CD72: variants seen among roughly 807,000 people sequenced by gnomAD.
CD72 encodes B-cell differentiation antigen CD72.
Under a neutral mutation model 50.7 loss-of-function variants are expected in CD72, and 28 were observed. The ratio of observed to expected loss-of-function variants is 0.55; its 90% CI spans 0.41 to 0.76. The LOEUF (loss-of-function observed/expected upper bound fraction) is 0.76. Ranked by LOEUF, CD72 falls within the 30% of genes least tolerant of loss-of-function variation. The pLI, the probability that CD72 is intolerant of heterozygous loss-of-function variation, is 0.00. For synonymous variants in CD72, 176 were observed against 171.2 expected, an observed-to-expected ratio of 1.03 and a Z score of -0.22; for missense variants, 403 against 420.6, an observed-to-expected ratio of 0.96 and a Z score of 0.37.
chr9:35,610,360 C>T (rs550773774), intron 8 of CD72, 60 bp from the exon 9 acceptor site: 1 of 407,622 alleles, frequency 2.5e-6, no homozygotes. Context: ...TCATCCCACT[C>T]ACCCCATCTC....
intron 1 of CD72, among the ~76,000 whole-genome samples, chr9:35,632,281 C>A (rs1823252889): frequency 6.6e-6 from 1 of 150,960 alleles, no homozygotes; most frequent in Non-Finnish European, 1.5e-5. Context: ...GGGTTCACGC[C>A]ATTCTGCCTC....
chr9:35,616,555 G>GA lies in CD72; in HGVS notation c.352+44dup, dbSNP rs775487318. ...TCAGCTTTGGGGCGAGAGTCGGGACGAAAGTCGTTCGGTGTAAGTGGGAAG... is the reference window on the plus strand; with the variant it reads ...TCAGCTTTGGGGCGAGAGTCGGGACGAAAAGTCGTTCGGTGTAAGTGGGAAG... On this transcript the variant is annotated intron_variant, in intron 4 of 8. Coordinates refer to ENST00000259633, the MANE Select transcript of CD72 (RefSeq NM_001782.3). The GA allele has an allele frequency of 2.7e-6, 4 of 1,463,048 alleles. No homozygotes were observed. The African/African-American group carries it at 5.6e-5, about 20-fold the overall frequency. 90.6% of individuals were successfully genotyped at this position (1,463,048 alleles called of 1,614,324 possible).
intron 5 of CD72, among the ~76,000 whole-genome samples, chr9:35,614,741 C>A (rs1162067719): frequency 6.6e-6 from 1 of 152,180 alleles, no homozygotes; most frequent in Non-Finnish European, 1.5e-5. Flanking sequence ...TGGCTCACGA[C>A]TGTAATCTCA....
At chr9:35,635,043 T>C (rs1823277007) in intron 1 of CD72, among the ~76,000 whole-genome samples, 1 of 152,246 alleles carries the variant, frequency 6.6e-6, no homozygotes, top group Non-Finnish European at 1.5e-5. Flanking sequence ...TGGCTGGGTA[T>C]AGGTTGCAGG....
chr9:35,617,029 T>G, intron 3 of CD72, 147 bp downstream of exon 3: 2 of 1,465,134 alleles, frequency 1.4e-6, no homozygotes, highest in Non-Finnish European at 1.8e-6. Context: ...CGGATGAAGG[T>G]GAATGTGGCA....
chr9:35,611,171 A>C (rs1335245336), intron 7 of CD72, among the ~76,000 whole-genome samples: 2 of 152,096 alleles, frequency 1.3e-5, no homozygotes, highest in African/African-American at 4.8e-5. Context: ...GAATGGTGTG[A>C]ACCCCTGAGG....
At chr9:35,628,451 G>A (rs1280870596) in intron 1 of CD72, among the ~76,000 whole-genome samples, 2 of 152,226 alleles carry the variant, frequency 1.3e-5, no homozygotes, top group African/African-American at 4.8e-5. Context: ...AAATTTAGCT[G>A]GGCATGGTGG....
chr9:35,612,293 TTAAAG>T (rs1403193706), intron 6 of CD72, among the ~76,000 whole-genome samples: 1 of 152,118 alleles, frequency 6.6e-6, no homozygotes, highest in African/African-American at 2.4e-5. Flanking sequence ...GAGATACACA[TTAAAG>T]TAGAGGCCGG....
chr9:35,638,934 G>A (rs536384625), intron 1 of CD72, among the ~76,000 whole-genome samples: 5 of 152,070 alleles, frequency 3.3e-5, no homozygotes, highest in East Asian at 1.9e-4. Flanking sequence ...AGGTAAAGGC[G>A]AAAACCCAGC....
At chr9:35,621,164 G>A (rs1351403704), upstream of CD72, among the ~76,000 whole-genome samples, 1 of 152,200 alleles carries the variant, frequency 6.6e-6, no homozygotes, top group Non-Finnish European at 1.5e-5. Context: ...ACTTTTAAGA[G>A]GTGAGGGGTC....
chr9:35,644,518 G>C (rs1823370127), intron 1 of CD72, among the ~76,000 whole-genome samples: 1 of 152,128 alleles, frequency 6.6e-6, no homozygotes, highest in South Asian at 2.1e-4. Context: ...GATTGGAAGA[G>C]AGTCCTTGGA....
chr9:35,621,141 C>T (rs1823143900), upstream of CD72, among the ~76,000 whole-genome samples: 1 of 152,172 alleles, frequency 6.6e-6, no homozygotes. Flanking sequence ...CTCTACTGCC[C>T]AAATATCAGG....
intron 1 of CD72, among the ~76,000 whole-genome samples, chr9:35,632,421 C>T (rs1015097161): frequency 9.9e-5 from 15 of 152,188 alleles, no homozygotes; most frequent in African/African-American, 3.4e-4. Context: ...GCGCCCGCCT[C>T]GGCCTCCCAA....
chr9:35,627,074 G>A (rs1377393134), intron 1 of CD72, among the ~76,000 whole-genome samples: 1 of 150,852 alleles, frequency 6.6e-6, no homozygotes, highest in East Asian at 1.9e-4. Flanking sequence ...TCCTGACTTC[G>A]TGATCTGCCC....
At chr9:35,636,952 C>T (rs1461173462) in intron 1 of CD72, among the ~76,000 whole-genome samples, 2 of 152,202 alleles carry the variant, frequency 1.3e-5, no homozygotes, top group Non-Finnish European at 2.9e-5. Flanking sequence ...TGATAACATT[C>T]CACCATTGTG....
At chr9:35,620,313 C>CA (rs969840237), upstream of CD72, among the ~76,000 whole-genome samples, 7 of 152,000 alleles carry the variant, frequency 4.6e-5, no homozygotes, top group African/African-American at 1.2e-4. Flanking sequence ...CTACAAAATA[C>CA]AAAAAAATTA....
chr9:35,641,643 G>A (rs965812355), intron 1 of CD72, among the ~76,000 whole-genome samples: 2 of 152,182 alleles, frequency 1.3e-5, no homozygotes, highest in Non-Finnish European at 2.9e-5. Context: ...CTTCTTCTGA[G>A]TACTGGGGCT....
chr9:35,645,400 G>A (rs914082407), intron 1 of CD72, among the ~76,000 whole-genome samples: 3 of 151,908 alleles, frequency 2.0e-5, no homozygotes, highest in African/African-American at 4.8e-5. Context: ...TGGCCAACAC[G>A]GTGAAACCCC....
At chr9:35,620,554 G>C (rs185150049), upstream of CD72, among the ~76,000 whole-genome samples, 1 of 152,064 alleles carries the variant, frequency 6.6e-6, no homozygotes, top group South Asian at 2.1e-4. Context: ...TCTCCTGGCC[G>C]GCATGGTGGC....
Sources: gnomAD v4.1 joint callset for allele counts (sites outside exome capture counted in the v4.1 genomes callset) on GRCh38, gnomAD v4.1.1 for gene constraint, MANE v1.5 for transcripts, NCBI Gene and HGNC (gene_info 2026-07-23, HGNC 2026-07-21) for gene names.